ACBD6: variants seen among roughly 807,000 people sequenced by gnomAD.
The protein encoded by ACBD6 is acyl-CoA-binding domain-containing protein 6.
A neutral mutation model predicts 37.2 loss-of-function variants in ACBD6; 28 were observed. That is an observed-to-expected ratio of 0.75 (90% CI 0.56 to 1.03). The LOEUF is 1.03. Among genes scored for constraint, ACBD6 ranks in the 50% least tolerant of loss-of-function variants. ACBD6 has a pLI of 0.00. For synonymous variants in ACBD6, 113 were observed against 126.8 expected (o/e 0.89, Z 0.73); for missense variants, 340 against 337.4 (o/e 1.01, Z -0.06).
At chr1:180,399,216 TA>T (rs1166157350) in intron 5 of ACBD6, among the ~76,000 whole-genome samples, 6 of 152,042 alleles carry the variant, frequency 3.9e-5, no homozygotes, top group Admixed American at 2.6e-4. Context: ...AGTATCAAAA[TA>T]AAAAAAATTT....
At position 180,288,451 on chromosome 1, in the gene ACBD6, C is replaced by T. The variant is rs563966405; in HGVS notation, c.761G>A (p.Arg254Gln). Residue 254 changes from arginine to glutamine, a missense_variant, in exon 8 of 8, where the codon CGA (arginine) becomes CAA (glutamine). Coordinates refer to ENST00000367595, the MANE Select transcript of ACBD6 (RefSeq NM_032360.4). ...CTCTGGCAGGCAGCCATCCTGGTCT[C>T]GGAGAGTGGGGTCAGCACCAGACTG... is the stretch of plus-strand genomic sequence containing the variant. Reference protein sequence around the residue: ...LLQSGADPTLRDQDGCLPEEV... With the variant: ...LLQSGADPTLQDQDGCLPEEV... The T allele has an allele frequency of 3.4e-5, 55 of 1,613,744 alleles. 1 individual carries two copies. The South Asian group carries it at 5.5e-4, about 16-fold the overall frequency.
At chr1:180,343,498 T>C (rs546087401) in intron 6 of ACBD6, among the ~76,000 whole-genome samples, 16 of 152,308 alleles carry the variant, frequency 1.1e-4, no homozygotes, top group South Asian at 2.1e-4. Flanking sequence ...TTCTGACTTA[T>C]AGGATTCTAA....
chr1:180,362,114 A>G (rs1652875827), intron 6 of ACBD6, among the ~76,000 whole-genome samples: 1 of 152,232 alleles, frequency 6.6e-6, no homozygotes, highest in African/African-American at 2.4e-5. Context: ...TACATTATCC[A>G]TTCCCTAGCT....
intron 6 of ACBD6, among the ~76,000 whole-genome samples, chr1:180,343,983 G>T (rs1372231467): frequency 6.6e-6 from 1 of 151,924 alleles, no homozygotes; most frequent in Non-Finnish European, 1.5e-5. Flanking sequence ...CCTGGAATAG[G>T]GCCCAGAGTA....
intron 4 of ACBD6, among the ~76,000 whole-genome samples, chr1:180,421,501 T>C (rs1648361348): frequency 6.6e-6 from 1 of 152,228 alleles, no homozygotes; most frequent in Admixed American, 6.5e-5. Context: ...TTTATATTCC[T>C]TTGGGTATAT....
chr1:180,461,120 G>A (rs543444552), intron 3 of ACBD6, among the ~76,000 whole-genome samples: 1 of 152,266 alleles, frequency 6.6e-6, no homozygotes, highest in Admixed American at 6.5e-5. Context: ...AGTATTAATA[G>A]CAGAAGAGAC....
intron 3 of ACBD6, among the ~76,000 whole-genome samples, chr1:180,481,029 C>CA (rs1247925225): frequency 2.3e-3 from 230 of 99,902 alleles, no homozygotes; most frequent in Non-Finnish European, 2.8e-3. Context: ...GACTCCGTCT[C>CA]AAAAAAAAAA....
chr1:180,306,267 A>G (rs1650367255), intron 7 of ACBD6, among the ~76,000 whole-genome samples: 2 of 151,908 alleles, frequency 1.3e-5, no homozygotes, highest in Admixed American at 6.6e-5. Flanking sequence ...AAAAACAAAC[A>G]AAACCAACCA....
chr1:180,390,731 T>C (rs1654041472), intron 6 of ACBD6, among the ~76,000 whole-genome samples: 2 of 152,190 alleles, frequency 1.3e-5, no homozygotes, highest in Non-Finnish European at 2.9e-5. Context: ...CCCTTGTAAG[T>C]TGTATTCCTA....
At chr1:180,407,384 T>C (rs897357168) in intron 5 of ACBD6, among the ~76,000 whole-genome samples, 3 of 152,212 alleles carry the variant, frequency 2.0e-5, no homozygotes, top group East Asian at 1.9e-4. Context: ...GCAGAAACAA[T>C]ACATTTTGCC....
rs537521561 is a variant in ACBD6 at position 180,484,684 on chromosome 1, G to A, written c.384+7585C>T. ...AGTATTAATACATGTATACACGTCT[G>A]TGTCTACAATGAATATGTATTCAAC... is the stretch of plus-strand genomic sequence containing the variant. On this transcript the variant is annotated intron_variant, in intron 3 of 7. Transcript: ENST00000367595. Among the ~76,000 whole-genome samples, 8 of 147,844 alleles carry A rather than the reference G, an allele frequency of 5.4e-5. No individual in the cohort carries two copies. The South Asian group carries it at 1.3e-3, about 23-fold the overall frequency.
At chr1:180,334,260 C>G (rs1044387301) in intron 6 of ACBD6, among the ~76,000 whole-genome samples, 1 of 152,152 alleles carries the variant, frequency 6.6e-6, no homozygotes, top group Non-Finnish European at 1.5e-5. Context: ...CTAGGAGGCA[C>G]CCCCCAGCAG....
chr1:180,497,477 T>C (rs1234999033), intron 1 of ACBD6, among the ~76,000 whole-genome samples: 1 of 152,226 alleles, frequency 6.6e-6, no homozygotes, highest in East Asian at 1.9e-4. Flanking sequence ...ATTTTTTTAG[T>C]CTTGTAATCC....
chr1:180,419,629 C>T (rs1168998887), intron 4 of ACBD6, among the ~76,000 whole-genome samples: 1 of 152,178 alleles, frequency 6.6e-6, no homozygotes, highest in Non-Finnish European at 1.5e-5. Context: ...TAGTAGGCTA[C>T]TGTTGACCTG....
rs569723147 is a variant in ACBD6 at position 180,388,465 on chromosome 1, C to T, written c.663+9051G>A. 2.2e-4 allele frequency among the ~76,000 whole-genome samples: 33 copies of T among 152,332 alleles called. No individual in the cohort carries two copies. In the South Asian group the frequency reaches 4.6e-3, roughly 21 times the overall value. ...GGAGTATTTCCCATCTGGTTTTATG[C>T]AGCTAATACAACTATCTCTATTTGC... On this transcript the variant is annotated intron_variant, in intron 6 of 7. Transcript: ENST00000367595.
intron 6 of ACBD6, among the ~76,000 whole-genome samples, chr1:180,320,960 C>T (rs1651046396): frequency 6.6e-6 from 1 of 152,048 alleles, no homozygotes; most frequent in Non-Finnish European, 1.5e-5. Context: ...TTTGGTTTGA[C>T]TTTTGTACAT....
At chr1:180,464,131 T>C (rs1333959955) in intron 3 of ACBD6, among the ~76,000 whole-genome samples, 1 of 151,846 alleles carries the variant, frequency 6.6e-6, no homozygotes, top group Non-Finnish European at 1.5e-5. Context: ...GTGCTCCCCT[T>C]GAAAATCAGC....
chr1:180,424,444 C>T (rs935446345), intron 4 of ACBD6, among the ~76,000 whole-genome samples: 3 of 152,022 alleles, frequency 2.0e-5, no homozygotes, highest in African/African-American at 7.2e-5. Context: ...TTAATTAGAA[C>T]TTCAAGGAAA....
In ACBD6 at chr1:180,368,019, A is replaced by C. The variant is rs553588430; in HGVS notation, c.663+29497T>G. Among the ~76,000 whole-genome samples the C allele has an allele frequency of 2.6e-5, 4 of 152,242 alleles. No individual in the cohort carries two copies. In the South Asian group the frequency reaches 8.3e-4, roughly 32 times the overall value. The stretch of plus-strand genomic sequence containing the variant: ...TTACACTCCCACCAACAGTGAATAC[A>C]TGTTCCCTGTTCTCCACAACCTTGC... On this transcript the variant is annotated intron_variant, in intron 6 of 7. Transcript: ENST00000367595.
Sources: gnomAD v4.1 joint callset for allele counts (sites outside exome capture counted in the v4.1 genomes callset) on GRCh38, gnomAD v4.1.1 for gene constraint, MANE v1.5 for transcripts, NCBI Gene and HGNC (gene_info 2026-07-23, HGNC 2026-07-21) for gene names.